Variants in PRORP observed in about 807,000 individuals in gnomAD.
PRORP encodes protein only RNase P catalytic subunit, also known as mitochondrial ribonuclease P catalytic subunit.
PRORP carries 51 observed loss-of-function variants against 59.4 expected under a neutral mutation model. That is an observed-to-expected ratio of 0.86 (90% CI 0.69 to 1.08). The LOEUF (loss-of-function observed/expected upper bound fraction) is 1.08, where lower values mean the gene tolerates loss of function less well. Ranked by LOEUF, PRORP falls within the 50% of genes least tolerant of loss-of-function variation. PRORP has a pLI of 0.00. For synonymous variants in PRORP, 231 were observed against 245.6 expected, an observed-to-expected ratio of 0.94 and a Z score of 0.55; for missense variants, 646 against 690.3, an observed-to-expected ratio of 0.94 and a Z score of 0.72.
intron 4 of PRORP, among the ~76,000 whole-genome samples, chr14:35,180,274 G>A (rs1045693212): frequency 2.6e-5 from 4 of 152,136 alleles, no homozygotes; most frequent in African/African-American, 7.2e-5. Context: ...CCCATCTTCC[G>A]CATCGCTCAC....
chr14:35,132,298 A>T (rs1470257985), intron 4 of PRORP, among the ~76,000 whole-genome samples: 3 of 149,936 alleles, frequency 2.0e-5, no homozygotes, highest in Non-Finnish European at 3.0e-5. Context: ...TCTCTACAAA[A>T]TATATAAAAA....
At chr14:35,130,283 C>T (rs751259091) in intron 4 of PRORP, among the ~76,000 whole-genome samples, 4 of 152,042 alleles carry the variant, frequency 2.6e-5, no homozygotes, top group Non-Finnish European at 5.9e-5. Flanking sequence ...TTGCCCGCCT[C>T]GGCCTCCCAA....
chr14:35,200,968 C>T (rs150649547), intron 5 of PRORP, among the ~76,000 whole-genome samples: 8 of 152,156 alleles, frequency 5.3e-5, no homozygotes, highest in African/African-American at 1.2e-4. Flanking sequence ...GCTTCTTGTT[C>T]CTATGACAGT....
intron 4 of PRORP, among the ~76,000 whole-genome samples, chr14:35,173,963 C>T (rs2048381617): frequency 6.6e-6 from 1 of 151,990 alleles, no homozygotes; most frequent in African/African-American, 2.4e-5. Context: ...AGATGGAACA[C>T]TTACATATAA....
rs892469096 is a variant in PRORP, at chr14:35,274,382, G to C, written c.*816G>C. ...TGACAAGACTAGTCTCCAACCCCTG[G>C]CCTCAGTCGATCCCCAGCAATTTGG... On this transcript the variant is annotated 3_prime_UTR_variant, in exon 8 of 8. Coordinates refer to ENST00000534898, the MANE Select transcript of PRORP (RefSeq NM_014672.4). The C allele has an allele frequency of 6.6e-6, 1 of 150,672 alleles. No individual in the cohort carries two copies. The highest frequency in any genetic ancestry group is 1.5e-5 in the Non-Finnish European group (1 of 67,860). 9.3% of individuals were successfully genotyped at this position (150,672 alleles called of 1,614,324 possible).
chr14:35,255,791 T>A (rs8007822), intron 5 of PRORP, among the ~76,000 whole-genome samples: 23,944 of 152,046 alleles, frequency 0.16, 2,858 homozygotes, highest in African/African-American at 0.33. Flanking sequence ...CTATGAACAA[T>A]CATATGCCTT....
At chr14:35,232,375 T>TA (rs879569022) in intron 5 of PRORP, among the ~76,000 whole-genome samples, 22 of 147,636 alleles carry the variant, frequency 1.5e-4, no homozygotes, top group East Asian at 3.9e-4. Context: ...CTAGCTAATG[T>TA]AAAAAAAAAA....
At chr14:35,248,244 C>A (rs1008957238) in intron 5 of PRORP, among the ~76,000 whole-genome samples, 1 of 152,070 alleles carries the variant, frequency 6.6e-6, no homozygotes, top group African/African-American at 2.4e-5. Context: ...TCCATATATC[C>A]ATTTTTTCCC....
intron 5 of PRORP, among the ~76,000 whole-genome samples, chr14:35,251,273 G>T (rs1352064795): frequency 6.6e-6 from 1 of 152,080 alleles, no homozygotes; most frequent in Non-Finnish European, 1.5e-5. Flanking sequence ...CTTGTTGATT[G>T]ATGGGCATGG....
chr14:35,245,738 G>C (rs377377050), intron 5 of PRORP, among the ~76,000 whole-genome samples: 2 of 152,112 alleles, frequency 1.3e-5, no homozygotes, highest in South Asian at 2.1e-4. Context: ...TGGATTAATT[G>C]CCCTCTGTAT....
chr14:35,219,619 A>T (rs2049718648), intron 5 of PRORP, among the ~76,000 whole-genome samples: 1 of 152,222 alleles, frequency 6.6e-6, no homozygotes, highest in African/African-American at 2.4e-5. Flanking sequence ...GGGGTGCCTA[A>T]TGGCACCCTA....
rs181430935 is a variant in PRORP at position 35,146,662 on chromosome 14, C to A, written c.1167+19051C>A. On this transcript the variant is annotated intron_variant, in intron 4 of 7. Transcript: ENST00000534898. ...TCTGAGAAAGAAATTTAATTATCTG[C>A]AAAATATAGTTTTAAACCATGTGTT... 1.9e-3 allele frequency among the ~76,000 whole-genome samples: 289 copies of A among 152,164 alleles called. 1 individual carries two copies. Among genetic ancestry groups the A allele is most frequent in the Middle Eastern group, 0.01 (3 of 294 alleles).
chr14:35,230,459 C>T (rs940431411), intron 5 of PRORP, among the ~76,000 whole-genome samples: 4 of 152,146 alleles, frequency 2.6e-5, no homozygotes, highest in Admixed American at 1.3e-4. Context: ...TATCTTTGAG[C>T]GGGAGAAAGT....
At chr14:35,122,126 T>C, upstream of PRORP, 3 of 625,472 alleles carry the variant, frequency 4.8e-6, no homozygotes, top group Non-Finnish European at 5.7e-6. Context: ...ACAATTACTG[T>C]CACTGCCGCG....
At chr14:35,149,908 G>A (rs760301203) in intron 4 of PRORP, among the ~76,000 whole-genome samples, 6 of 152,090 alleles carry the variant, frequency 3.9e-5, no homozygotes, top group African/African-American at 7.2e-5. Context: ...GGAGTGCAGC[G>A]GCATAATCTC....
chr14:35,152,797 G>A (rs1352143949), intron 4 of PRORP, among the ~76,000 whole-genome samples: 2 of 150,840 alleles, frequency 1.3e-5, no homozygotes, highest in Non-Finnish European at 3.0e-5. Flanking sequence ...CAGACGGGGA[G>A]GCGGAGCAGA....
At chr14:35,157,988 C>G in intron 4 of PRORP, 1 of 213,284 alleles carries the variant, frequency 4.7e-6, no homozygotes, top group Non-Finnish European at 9.9e-6. Flanking sequence ...AGTTTGCATC[C>G]TCATCCTCAA....
At chr14:35,228,715 C>T (rs2050000311) in intron 5 of PRORP, among the ~76,000 whole-genome samples, 1 of 152,188 alleles carries the variant, frequency 6.6e-6, no homozygotes, top group Non-Finnish European at 1.5e-5. Flanking sequence ...CATTGATGGG[C>T]ATCTAGGTTG....
At chr14:35,240,425 A>G (rs1250930182) in intron 5 of PRORP, among the ~76,000 whole-genome samples, 1 of 151,738 alleles carries the variant, frequency 6.6e-6, no homozygotes, top group Non-Finnish European at 1.5e-5. Context: ...AAGGCAACCA[A>G]TTGTGTTTTG....
Sources: gnomAD v4.1 joint callset for allele counts (sites outside exome capture counted in the v4.1 genomes callset) on GRCh38, gnomAD v4.1.1 for gene constraint, MANE v1.5 for transcripts, NCBI Gene and HGNC (gene_info 2026-07-23, HGNC 2026-07-21) for gene names.